Variants in ADGRG2 observed in about 807,000 individuals in gnomAD.
The protein encoded by ADGRG2 is G protein-coupled receptor 64.
In ADGRG2, 26 loss-of-function variants were observed where a neutral mutation model predicts 74.1. The observed-to-expected ratio is 0.35, with a 90% CI of 0.26 to 0.49. The LOEUF (loss-of-function observed/expected upper bound fraction) is 0.49, where lower values mean the gene tolerates loss of function less well. Among genes scored for constraint, ADGRG2 ranks in the 20% least tolerant of loss-of-function variants. ADGRG2 has a pLI of 0.99. For synonymous variants in ADGRG2, 296 were observed against 295.2 expected (o/e 1.00, Z -0.03); for missense variants, 619 against 763.1 (o/e 0.81, Z 2.22).
At chrX:19,045,273 A>G (rs1353145936) in intron 3 of ADGRG2, among the ~76,000 whole-genome samples, 1 of 98,005 alleles carries the variant, frequency 1.0e-5, no homozygotes, top group Non-Finnish European at 2.1e-5. Flanking sequence ...ACCATAATCG[A>G]ATACAGAAAT....
chrX:19,065,685 G>A (rs2061557956), intron 3 of ADGRG2, among the ~76,000 whole-genome samples: 1 of 111,720 alleles, frequency 9.0e-6, no homozygotes, highest in Admixed American at 9.5e-5. Flanking sequence ...CGAAACGTGA[G>A]ACTGAAGATC....
At chrX:19,012,295 T>C (rs912658227) in intron 16 of ADGRG2, among the ~76,000 whole-genome samples, 3 of 111,414 alleles carry the variant, frequency 2.7e-5, no homozygotes, top group Non-Finnish European at 3.8e-5. Context: ...CAGGAATACA[T>C]AGGCACCAGA....
intron 11 of ADGRG2, 74 bp from the exon 12 acceptor site, chrX:19,024,022 G>T: frequency 1.3e-6 from 1 of 746,112 alleles, no homozygotes; most frequent in Non-Finnish European, 2.1e-6. Flanking sequence ...TTAGATTTTA[G>T]CAATTAAATC....
intron 1 of ADGRG2, among the ~76,000 whole-genome samples, chrX:19,108,244 G>A (rs1027736546): frequency 1.8e-5 from 2 of 110,581 alleles, no homozygotes; most frequent in African/African-American, 6.6e-5. Context: ...AGGCGGGCAG[G>A]TTGCTTGAGG....
At chrX:19,023,528 A>G (rs2146649145) in intron 12 of ADGRG2, 75 bp from the exon 13 acceptor site, 3 of 581,280 alleles carry the variant, frequency 5.2e-6, no homozygotes, top group East Asian at 6.8e-5. Context: ...AAGAAGACCT[A>G]AGGCTAATCA....
chrX:19,027,480 T>A, intron 10 of ADGRG2, among the ~76,000 whole-genome samples: 1 of 112,516 alleles, frequency 8.9e-6, no homozygotes, highest in Non-Finnish European at 1.9e-5. Context: ...TCTTAAAAGT[T>A]AATCCATATT....
chrX:18,993,732 C>A (rs2059966849), intron 28 of ADGRG2, among the ~76,000 whole-genome samples: 1 of 106,928 alleles, frequency 9.4e-6, no homozygotes, highest in Admixed American at 1.0e-4. Context: ...GACTGCCCAT[C>A]TTCAGGAAAC....
intron 3 of ADGRG2, among the ~76,000 whole-genome samples, chrX:19,043,806 C>T (rs903406529): frequency 9.2e-6 from 1 of 108,835 alleles, no homozygotes; most frequent in African/African-American, 3.4e-5. Flanking sequence ...AACTCTAATC[C>T]CACATGGCCA....
intron 16 of ADGRG2, among the ~76,000 whole-genome samples, chrX:19,011,314 G>A (rs1233911788): frequency 9.0e-6 from 1 of 111,674 alleles, no homozygotes; most frequent in Non-Finnish European, 1.9e-5. Flanking sequence ...TGATTATGAT[G>A]GTGGTTACGT....
chrX:18,996,864 A>C (rs181124611), intron 26 of ADGRG2, among the ~76,000 whole-genome samples: 86 of 111,625 alleles, frequency 7.7e-4, no homozygotes, highest in African/African-American at 2.7e-3. Context: ...GAATGGATGA[A>C]TTCTGGGTTC....
At chrX:19,079,131 C>T (rs746654136) in intron 2 of ADGRG2, among the ~76,000 whole-genome samples, 1 of 111,707 alleles carries the variant, frequency 9.0e-6, no homozygotes, top group Non-Finnish European at 1.9e-5. Context: ...CATTAAAAGT[C>T]TCAAAACTTG....
chrX:19,033,606 G>A lies in ADGRG2; in HGVS notation c.304+7C>T. The A allele has an allele frequency of 1.2e-6, 1 of 801,684 alleles. No homozygotes were observed. Among genetic ancestry groups the A allele is most frequent in the Non-Finnish European group, 1.9e-6 (1 of 537,020 alleles). The allele number at this position is 801,684 out of a possible 1,213,427, so 66.1% of individuals were successfully genotyped here. On this transcript the variant is annotated splice_region_variant and intron_variant, in intron 8 of 28. Coordinates refer to ENST00000379869, the MANE Select transcript of ADGRG2 (RefSeq NM_001079858.3). ...AGGAAAGTCTTGATATTGATAATAA[G>A]TCATACCTGATGCATTGAAGGTTTT... is the stretch of plus-strand genomic sequence containing the variant.
chrX:19,043,965 A>G (rs971534410), intron 3 of ADGRG2, among the ~76,000 whole-genome samples: 4 of 111,345 alleles, frequency 3.6e-5, no homozygotes, highest in African/African-American at 1.3e-4. Context: ...CACCCGCCAA[A>G]CATTTAAGTT....
chrX:19,105,879 G>A (rs1184075853), intron 1 of ADGRG2, among the ~76,000 whole-genome samples: 2 of 87,850 alleles, frequency 2.3e-5, no homozygotes, highest in Admixed American at 3.0e-4. Context: ...AGTGAGCCAA[G>A]ATCGCACCAC....
At chrX:19,087,827 C>T (rs911672916) in intron 1 of ADGRG2, among the ~76,000 whole-genome samples, 7 of 111,387 alleles carry the variant, frequency 6.3e-5, no homozygotes, top group Non-Finnish European at 1.3e-4. Flanking sequence ...CTTCCCTTCC[C>T]TCCAGTCTTC....
chrX:19,005,016 G>A, intron 22 of ADGRG2, 137 bp from the exon 23 acceptor site: 2 of 442,773 alleles, frequency 4.5e-6, no homozygotes, highest in Non-Finnish European at 7.6e-6. Flanking sequence ...TTACTATCAG[G>A]TAAAGATAAG....
intron 2 of ADGRG2, among the ~76,000 whole-genome samples, chrX:19,070,026 G>A (rs1212575096): frequency 8.9e-6 from 1 of 112,039 alleles, no homozygotes; most frequent in African/African-American, 3.2e-5. Context: ...AGACGCTGCT[G>A]TGGGCCTGCA....
intron 1 of ADGRG2, among the ~76,000 whole-genome samples, chrX:19,117,445 C>T (rs1037422881): frequency 9.0e-6 from 1 of 111,430 alleles, no homozygotes; most frequent in Non-Finnish European, 1.9e-5. Context: ...GATTCTCTTT[C>T]TTCCTCAGTA....
intron 14 of ADGRG2, among the ~76,000 whole-genome samples, chrX:19,020,428 T>C (rs2060565215): frequency 9.0e-6 from 1 of 111,274 alleles, no homozygotes; most frequent in African/African-American, 3.3e-5. Context: ...ACAGGGTTTA[T>C]CATATTATCA....
Sources: allele counts gnomAD v4.1 joint callset (sites outside exome capture counted in the v4.1 genomes callset), GRCh38; gene constraint gnomAD v4.1.1; transcripts MANE v1.5; gene names NCBI Gene and HGNC (gene_info 2026-07-23, HGNC 2026-07-21).